Variants in NRN1L observed in about 807,000 individuals in gnomAD.
The protein encoded by NRN1L is neuritin-like protein.
Under a neutral mutation model 8.8 loss-of-function variants are expected in NRN1L, and 12 were observed. The observed-to-expected ratio is 1.36, with a 90% CI of 0.87 to 2.20. The LOEUF (loss-of-function observed/expected upper bound fraction) is 2.20, where lower values mean the gene tolerates loss of function less well. Ranked by LOEUF, NRN1L falls within the 30% of genes most tolerant of loss-of-function variation. The probability of loss-of-function intolerance (pLI) is 0.00; values close to 1 mark genes in which losing one functional copy is unlikely to be tolerated. For missense variants in NRN1L, 266 were observed against 232.4 expected, an observed-to-expected ratio of 1.14 and a Z score of -0.94; for synonymous variants, 114 against 99.2, an observed-to-expected ratio of 1.15 and a Z score of -0.88.
In NRN1L at chr16:67,886,098, A is replaced by C. The variant is rs377323206; in HGVS notation, c.337A>C (p.Thr113Pro). ...RQAPRPNNLH[T>P]LCGAPVHVRE... is the part of the protein sequence containing the mutation. ...GGCCCCCCGTCCGAATAACTTGCACACTCTGTGCGGTGCCCCGGTGCATGT... is the reference window on the plus strand; with the variant it reads ...GGCCCCCCGTCCGAATAACTTGCACCCTCTGTGCGGTGCCCCGGTGCATGT... Residue 113 changes from threonine to proline, a missense_variant, in exon 3 of 3, where the codon ACT (threonine) becomes CCT (proline). Transcript: ENST00000339176. 2 of 1,613,106 alleles carry C rather than the reference A, an allele frequency of 1.2e-6. No individual in the cohort carries two copies. The highest frequency in any genetic ancestry group is 2.7e-5 in the African/African-American group (2 of 74,896).
At position 67,884,899 on chromosome 16, in the gene NRN1L, C is replaced by A; in HGVS notation, c.-5C>A. 1 of 1,604,148 alleles carries A rather than the reference C, an allele frequency of 6.2e-7. No individual in the cohort carries two copies. Among genetic ancestry groups the A allele is most frequent in the South Asian group, 1.1e-5 (1 of 91,076 alleles). On this transcript the variant is annotated 5_prime_UTR_variant, in exon 1 of 3. Coordinates refer to ENST00000339176, the MANE Select transcript of NRN1L (RefSeq NM_198443.2). The surrounding 1 kb of genome is among the most constrained non-coding windows in gnomAD (Gnocchi z 4.1). ...CTAGCTCCTGCACTAGGCTCTCAGCCAGGGATGATGCGCTGCTGCCGCCGC... is the reference window on the plus strand; with the variant it reads ...CTAGCTCCTGCACTAGGCTCTCAGCAAGGGATGATGCGCTGCTGCCGCCGC...
chr16:67,884,910 C>CGCTGCTGCCGCCGCCGCT lies in NRN1L; in HGVS notation c.18_35dup (p.Arg7_Arg12dup), dbSNP rs748993039. 1.3e-5 allele frequency: 21 copies of CGCTGCTGCCGCCGCCGCT among 1,604,750 alleles called. No homozygotes were observed. The East Asian group carries it at 1.6e-4, about 12-fold the overall frequency. On this transcript the variant is annotated inframe_insertion, in exon 1 of 3. Transcript: ENST00000339176. This position sits in a 1 kb window ranked among gnomAD's most constrained non-coding sequence, Gnocchi z 4.1. ...ACTAGGCTCTCAGCCAGGGATGATG[C>CGCTGCTGCCGCCGCCGCT]GCTGCTGCCGCCGCCGCTGCTGCTG... is the stretch of plus-strand genomic sequence containing the variant.
chr16:67,885,743 C>T lies in NRN1L; in HGVS notation c.101C>T (p.Ala34Val), dbSNP rs2058093124. ...CTAGTCCTTTTACCTCCCCTGGCAG[C>T]AGCTGCAGCGGGCCCAAACCGATGT... ...LPLVLLPPLA[A>V]AAAGPNRCDT... Residue 34 changes from alanine (A) to valine (V), a missense_variant, in exon 2 of 3, where the codon GCA becomes GTA. Transcript: ENST00000339176. The T allele has an allele frequency of 6.2e-7, 1 of 1,605,510 alleles. No homozygotes were observed. The highest frequency in any genetic ancestry group is 1.3e-5 in the African/African-American group (1 of 74,520).
In NRN1L at chr16:67,885,865, G is replaced by C. The variant is rs760274823; in HGVS notation, c.212+11G>C. The C allele has an allele frequency of 6.4e-7, 1 of 1,570,114 alleles. No individual in the cohort carries two copies. Among genetic ancestry groups the C allele is most frequent in the East Asian group, 2.2e-5 (1 of 44,598 alleles). Reference sequence around the variant, plus strand: ...GGAGACCATCTGCAGGTACCGGCGGGTGTGAGGCAGTGGCCCAACCTGTGC... The same window carrying C: ...GGAGACCATCTGCAGGTACCGGCGGCTGTGAGGCAGTGGCCCAACCTGTGC... On this transcript the variant is annotated intron_variant, in intron 2 of 2. Transcript: ENST00000339176.
chr16:67,885,700 C>G (rs1281638373), intron 1 of NRN1L, 22 bp from the exon 2 acceptor site: 2 of 1,131,440 alleles, frequency 1.8e-6, no homozygotes, highest in East Asian at 2.5e-5. Context: ...CCTTCCCCAC[C>G]CCACCCCCGC....
chr16:67,885,883 A>G (rs1236870349), intron 2 of NRN1L, 29 bp downstream of exon 2: 18 of 1,571,818 alleles, frequency 1.1e-5, no homozygotes, highest in Non-Finnish European at 1.6e-5. Context: ...CAGTGGCCCA[A>G]CCTGTGCCAC....
chr16:67,885,730 C>T lies in NRN1L; in HGVS notation c.88C>T (p.Pro30Ser). 1.3e-6 allele frequency: 1 copy of T among 798,814 alleles called. No homozygotes were observed. Among genetic ancestry groups the T allele is most frequent in the Non-Finnish European group, 2.0e-6 (1 of 503,368 alleles). The allele number at this position is 798,814 out of a possible 1,614,324, so 49.5% of individuals were successfully genotyped here. A position where few individuals can be genotyped will look rare whatever the true frequency, so the allele number is the denominator to read the frequency against. Reference protein sequence around the residue: ...PLLLLPLVLLPPLAAAAAGPN... With the variant: ...PLLLLPLVLLSPLAAAAAGPN... Reference sequence around the variant, plus strand: ...CCCCGCCCCACTTCTAGTCCTTTTACCTCCCCTGGCAGCAGCTGCAGCGGG... The same window carrying T: ...CCCCGCCCCACTTCTAGTCCTTTTATCTCCCCTGGCAGCAGCTGCAGCGGG... Residue 30 changes from proline to serine, a missense_variant, in exon 2 of 3, where the codon CCT becomes TCT. Coordinates refer to ENST00000339176, the MANE Select transcript of NRN1L (RefSeq NM_198443.2).
chr16:67,887,567 G>A (rs1311369208), downstream of NRN1L, among the ~76,000 whole-genome samples: 1 of 150,962 alleles, frequency 6.6e-6, no homozygotes, highest in Non-Finnish European at 1.5e-5. Context: ...ACCATGTTTG[G>A]CCTTATTCTT....
Position 67,886,333 on chromosome 16 carries a change from C to T in NRN1L, c.*74C>T, listed in dbSNP as rs2058096632. On this transcript the variant is annotated 3_prime_UTR_variant, in exon 3 of 3. Coordinates refer to ENST00000339176, the MANE Select transcript of NRN1L (RefSeq NM_198443.2). ...GTGGTTGTCCAGGCTCTGCAGAGCGCAGCAGGGCTTTTCATTAAAGGTATT... is the reference window on the plus strand; with the variant it reads ...GTGGTTGTCCAGGCTCTGCAGAGCGTAGCAGGGCTTTTCATTAAAGGTATT... The T allele has an allele frequency of 7.8e-7, 1 of 1,275,116 alleles. No homozygotes were observed. Among genetic ancestry groups the T allele is most frequent in the East Asian group, 2.5e-5 (1 of 39,656 alleles). The allele number at this position is 1,275,116 out of a possible 1,614,324, so 79.0% of individuals were successfully genotyped here.
intron 1 of NRN1L, chr16:67,885,226 T>C (rs564718344): frequency 4.3e-4 from 255 of 595,034 alleles, no homozygotes; most frequent in East Asian, 7.5e-4. Context: ...GCAGGACTTA[T>C]AGACCAGTCG....
chr16:67,888,339 G>A (rs2058102435), downstream of NRN1L, among the ~76,000 whole-genome samples: 1 of 152,164 alleles, frequency 6.6e-6, no homozygotes, highest in Admixed American at 6.6e-5. Flanking sequence ...TGCTGGGGCT[G>A]TATACCCCAG....
rs1474610904 is a variant in NRN1L at position 67,886,356 on chromosome 16, A to G, written c.*97A>G. On this transcript the variant is annotated 3_prime_UTR_variant, in exon 3 of 3. Transcript: ENST00000339176. Reference sequence around the variant, plus strand: ...CGCAGCAGGGCTTTTCATTAAAGGTATTTATATTTGTAGTAAGCTCCTTCC... The same window carrying G: ...CGCAGCAGGGCTTTTCATTAAAGGTGTTTATATTTGTAGTAAGCTCCTTCC... 8.9e-7 allele frequency: 1 copy of G among 1,129,296 alleles called. No homozygotes were observed. The highest frequency in any genetic ancestry group is 1.6e-5 in the African/African-American group (1 of 63,576). 70.0% of individuals were successfully genotyped at this position (1,129,296 alleles called of 1,614,324 possible).
chr16:67,886,855 A>G (rs114146021), downstream of NRN1L, among the ~76,000 whole-genome samples: 470 of 152,254 alleles, frequency 3.1e-3, 3 homozygotes, highest in African/African-American at 0.011. Flanking sequence ...TTTCTGGTCT[A>G]TCTGAGGGAG....
chr16:67,885,835 G>C lies in NRN1L; in HGVS notation c.193G>C (p.Glu65Gln). Reference sequence around the variant, plus strand: ...GGGGGACAGCATGGGCCGCGGAGGCGAGCTGGAGACCATCTGCAGGTACCG... The same window carrying C: ...GGGGGACAGCATGGGCCGCGGAGGCCAGCTGGAGACCATCTGCAGGTACCG... ...RLGDSMGRGGELETICRSWND... is the reference protein window; with the variant it reads ...RLGDSMGRGGQLETICRSWND... The change falls in exon 2 of 3, where the codon GAG becomes CAG. Residue 65 changes from glutamate (E) to glutamine (Q), a missense_variant. Transcript: ENST00000339176. 6.3e-7 allele frequency: 1 copy of C among 1,577,574 alleles called. No homozygotes were observed. Among genetic ancestry groups the C allele is most frequent in the Non-Finnish European group, 8.6e-7 (1 of 1,162,534 alleles).
Position 67,885,771 on chromosome 16 carries a change from C to T in NRN1L, c.129C>T (p.Asp43=). The change falls in exon 2 of 3, where the codon GAC becomes GAT. Residue 43 remains aspartate, a synonymous_variant. Coordinates refer to ENST00000339176, the MANE Select transcript of NRN1L (RefSeq NM_198443.2). ...CTGCAGCGGGCCCAAACCGATGTGACACCATATACCAGGGCTTCGCCGAGT... is the reference window on the plus strand; with the variant it reads ...CTGCAGCGGGCCCAAACCGATGTGATACCATATACCAGGGCTTCGCCGAGT... The part of the protein sequence containing the change: ...AAAAAGPNRC[D]TIYQGFAECL... 1.2e-6 allele frequency: 2 copies of T among 1,603,698 alleles called. No homozygotes were observed. Among genetic ancestry groups the T allele is most frequent in the African/African-American group, 1.3e-5 (1 of 74,444 alleles).
Position 67,886,080 on chromosome 16 carries a change from C to G in NRN1L, c.319C>G (p.Arg107Gly), listed in dbSNP as rs200752015. The G allele has an allele frequency of 1.9e-6, 3 of 1,613,456 alleles. No homozygotes were observed. Among genetic ancestry groups the G allele is most frequent in the South Asian group, 1.1e-5 (1 of 90,934 alleles). Residue 107 changes from arginine (R) to glycine (G), a missense_variant, in exon 3 of 3, where the codon CGT (arginine) becomes GGT (glycine). By Grantham distance (125) the Arg-to-Gly change is moderately radical. Transcript: ENST00000339176. ...SLQQEARQAP[R>G]PNNLHTLCGA... ...ACAGCAAGAAGCTCGCCAGGCCCCC[C>G]GTCCGAATAACTTGCACACTCTGTG... is the stretch of plus-strand genomic sequence containing the variant.
At position 67,886,354 on chromosome 16, in the gene NRN1L, G is replaced by A; in HGVS notation, c.*95G>A. On this transcript the variant is annotated 3_prime_UTR_variant, in exon 3 of 3. Coordinates refer to ENST00000339176, the MANE Select transcript of NRN1L (RefSeq NM_198443.2). The stretch of plus-strand genomic sequence containing the variant: ...AGCGCAGCAGGGCTTTTCATTAAAG[G>A]TATTTATATTTGTAGTAAGCTCCTT... The A allele has an allele frequency of 8.8e-7, 1 of 1,142,684 alleles. No homozygotes were observed. Among genetic ancestry groups the A allele is most frequent in the Non-Finnish European group, 1.2e-6 (1 of 831,836 alleles). 70.8% of individuals were successfully genotyped at this position (1,142,684 alleles called of 1,614,324 possible).
rs1437002872 is a variant in NRN1L, at chr16:67,884,889, G to A, written c.-15G>A. The A allele has an allele frequency of 6.2e-7, 1 of 1,602,974 alleles. No homozygotes were observed. Among genetic ancestry groups the A allele is most frequent in the Non-Finnish European group, 8.5e-7 (1 of 1,179,444 alleles). On this transcript the variant is annotated 5_prime_UTR_variant, in exon 1 of 3. Transcript: ENST00000339176. The surrounding 1 kb of genome is among the most constrained non-coding windows in gnomAD (Gnocchi z 4.1). ...CTCCAAGCAGCTAGCTCCTGCACTA[G>A]GCTCTCAGCCAGGGATGATGCGCTG...
chr16:67,887,623 C>A (rs2058100739), downstream of NRN1L, among the ~76,000 whole-genome samples: 1 of 150,130 alleles, frequency 6.7e-6, no homozygotes, highest in African/African-American at 2.5e-5. Flanking sequence ...CCCTCAGTCG[C>A]CCAGGCTAGA....
Sources: gnomAD v4.1 joint callset for allele counts (sites outside exome capture counted in the v4.1 genomes callset) on GRCh38, gnomAD v4.1.1 for gene constraint, Gnocchi (gnomAD v3.1) non-coding constraint, MANE v1.5 for transcripts, NCBI Gene and HGNC (gene_info 2026-07-23, HGNC 2026-07-21) for gene names.